Variants in WDR33 observed in about 807,000 individuals in gnomAD.
WDR33 encodes the protein WD repeat domain 33.
WDR33 carries 47 observed loss-of-function variants against 164.9 expected under a neutral mutation model. The observed-to-expected ratio is 0.29, with a 90% CI of 0.23 to 0.36. The LOEUF is 0.36. Ranked by LOEUF, WDR33 falls within the 10% of genes least tolerant of loss-of-function variation. The probability of loss-of-function intolerance (pLI) is 1.00; values close to 1 mark genes in which losing one functional copy is unlikely to be tolerated. For synonymous variants in WDR33, 505 were observed against 589.0 expected (o/e 0.86, Z 2.06); for missense variants, 1,137 against 1,754.1 (o/e 0.65, Z 6.28).
rs371193309 is a variant in WDR33 at position 127,787,312 on chromosome 2, T to C, written c.-23-16308A>G. ...TTCTCAATCTTTTCCCCACCTTTCC[T>C]GCCTTTCTATTCCACAAAGCCGCCA... On this transcript the variant is annotated intron_variant, in intron 1 of 21. Coordinates refer to ENST00000322313, the MANE Select transcript of WDR33 (RefSeq NM_018383.5). Among the ~76,000 whole-genome samples the C allele has an allele frequency of 8.4e-3, 927 of 110,802 alleles. 2 individuals carry two copies. The highest frequency in any genetic ancestry group is 0.014 in the South Asian group (38 of 2,814). The allele number at this position is 110,802 out of a possible 152,430, so 72.7% of individuals were successfully genotyped here.
Position 127,706,574 on chromosome 2 carries a change from A to C in WDR33, c.3782-22T>G. On this transcript the variant is annotated intron_variant, in intron 21 of 21. Transcript: ENST00000322313. The surrounding 1 kb of genome is among the most constrained non-coding windows in gnomAD (Gnocchi z 5.1). ...CGGCCTGAAACAAAGAAAATTTCAC[A>C]TGGGACTTTTTGTATTAGCAACTGT... 6.3e-7 allele frequency: 1 copy of C among 1,582,244 alleles called. No homozygotes were observed. Among genetic ancestry groups the C allele is most frequent in the Non-Finnish European group, 8.6e-7 (1 of 1,167,282 alleles).
chr2:127,779,194 GT>G (rs1183206395), intron 1 of WDR33, among the ~76,000 whole-genome samples: 1 of 151,650 alleles, frequency 6.6e-6, no homozygotes, highest in African/African-American at 2.4e-5. Flanking sequence ...TAGGGCCAGG[GT>G]GGTGGCTCAT....
chr2:127,783,599 CTT>C (rs35345585), intron 1 of WDR33, among the ~76,000 whole-genome samples: 2 of 84,414 alleles, frequency 2.4e-5, no homozygotes, highest in Middle Eastern at 9.1e-3. Context: ...TTCAGGACTC[CTT>C]TTTTTTTTTT....
intron 1 of WDR33, among the ~76,000 whole-genome samples, chr2:127,771,681 G>T (rs1688007661): frequency 1.3e-5 from 2 of 151,674 alleles, no homozygotes; most frequent in South Asian, 4.2e-4. Context: ...GGGAGGCTGA[G>T]ACAGGAGAAT....
Position 127,701,840 on chromosome 2 carries a change from C to T in WDR33, c.*4483G>A. On this transcript the variant is annotated 3_prime_UTR_variant, in exon 22 of 22. Coordinates refer to ENST00000322313, the MANE Select transcript of WDR33 (RefSeq NM_018383.5). ...TCTACGCACCGGTGTTGCTGCTGCG[C>T]GCGCGCAAGTTCGCGCTGCTCTGGT... 6.9e-7 allele frequency: 1 copy of T among 1,459,010 alleles called. No individual in the cohort carries two copies. The highest frequency in any genetic ancestry group is 9.0e-7 in the Non-Finnish European group (1 of 1,110,020). 90.4% of individuals were successfully genotyped at this position (1,459,010 alleles called of 1,614,324 possible). A position where few individuals can be genotyped will look rare whatever the true frequency, so the allele number is the denominator to read the frequency against.
intron 1 of WDR33, among the ~76,000 whole-genome samples, chr2:127,802,129 C>G (rs947478594): frequency 7.9e-5 from 12 of 151,392 alleles, no homozygotes; most frequent in Admixed American, 7.9e-4. Flanking sequence ...GATCACGCCA[C>G]TGCACTCCAG....
intron 7 of WDR33, chr2:127,737,088 A>G (rs1686866455): frequency 1.0e-6 from 1 of 985,460 alleles, no homozygotes; most frequent in Non-Finnish European, 1.2e-6. Context: ...TTTTGTGCTA[A>G]CCAGCAAATT....
In WDR33 at chr2:127,741,577, G is replaced by A. The variant is rs77228741; in HGVS notation, c.725-14800C>T. On this transcript the variant is annotated intron_variant, in intron 7 of 21. Coordinates refer to ENST00000322313, the MANE Select transcript of WDR33 (RefSeq NM_018383.5). This position sits in a 1 kb window ranked among gnomAD's most constrained non-coding sequence, Gnocchi z 4.1. ...CAGGAGAGGACCCTTGTAGGTAAGC[G>A]AACTTAACTGCAAAAAAATGCAAGA... 0.013 allele frequency among the ~76,000 whole-genome samples: 1,919 copies of A among 152,232 alleles called. 50 individuals are homozygous for A. The highest frequency in any genetic ancestry group is 0.045 in the African/African-American group (1,854 of 41,504).
chr2:127,747,438 GAAAA>G (rs75753938), intron 7 of WDR33, among the ~76,000 whole-genome samples: 1 of 125,022 alleles, frequency 8.0e-6, no homozygotes. Flanking sequence ...CTGCTCTACC[GAAAA>G]AAAAAAAAAA....
intron 1 of WDR33, among the ~76,000 whole-genome samples, chr2:127,772,626 G>A (rs1005824369): frequency 6.6e-6 from 1 of 151,956 alleles, no homozygotes; most frequent in Non-Finnish European, 1.5e-5. Flanking sequence ...AAAAAAGTAC[G>A]TATGCCCAAA....
At chr2:127,750,162 C>A (rs1446886443) in intron 7 of WDR33, among the ~76,000 whole-genome samples, 1 of 151,950 alleles carries the variant, frequency 6.6e-6, no homozygotes, top group African/African-American at 2.4e-5. Flanking sequence ...GTATCAGGGA[C>A]CACAGGCACA....
intron 1 of WDR33, among the ~76,000 whole-genome samples, chr2:127,781,828 G>A (rs763467771): frequency 6.6e-5 from 10 of 151,506 alleles, no homozygotes; most frequent in Non-Finnish European, 1.0e-4. Flanking sequence ...GAGAAACCCC[G>A]TCTCTACTAA....
intron 1 of WDR33, among the ~76,000 whole-genome samples, chr2:127,796,991 T>C (rs1689063663): frequency 6.6e-6 from 1 of 152,040 alleles, no homozygotes; most frequent in Non-Finnish European, 1.5e-5. Context: ...AATTGACCTG[T>C]AGCCCCAAAA....
At position 127,713,993 on chromosome 2, in the gene WDR33, G is replaced by A; in HGVS notation, c.2898C>T (p.His966=). The A allele has an allele frequency of 6.5e-7, 1 of 1,534,740 alleles. No homozygotes were observed. The highest frequency in any genetic ancestry group is 8.7e-7 in the Non-Finnish European group (1 of 1,145,442). ...KGDSRGPPNH[H]MGPMSERRHE... Reference sequence around the variant, plus strand: ...GCCGCCTCTCTGACATCGGGCCCATGTGATGGTTTGGAGGGCCGCGGGAGT... The same window carrying A: ...GCCGCCTCTCTGACATCGGGCCCATATGATGGTTTGGAGGGCCGCGGGAGT... Residue 966 remains histidine (H), a synonymous_variant, in exon 18 of 22, where the codon CAC becomes CAT. Transcript: ENST00000322313. The surrounding 1 kb of genome is among the most constrained non-coding windows in gnomAD (Gnocchi z 6.2).
At position 127,796,074 on chromosome 2, in the gene WDR33, ATTTTTTT is replaced by A. The variant is rs11325131; in HGVS notation, c.-24+14931_-24+14937del. On this transcript the variant is annotated intron_variant, in intron 1 of 21. Transcript: ENST00000322313. ...TATTAATATTAGGTGATTACTGTTAATTTTTTTTTTTTTTTTTGAGACAGTCTTGCTC... is the reference window on the plus strand; with the variant it reads ...TATTAATATTAGGTGATTACTGTTAATTTTTTTTTTGAGACAGTCTTGCTC... 3.6e-5 allele frequency among the ~76,000 whole-genome samples: 5 copies of A among 139,432 alleles called. No individual in the cohort carries two copies. The South Asian group carries it at 1.2e-3, about 32-fold the overall frequency. 91.5% of individuals were successfully genotyped at this position (139,432 alleles called of 152,430 possible).
intron 4 of WDR33, 99 bp downstream of exon 4, chr2:127,768,090 T>C (rs886213309): frequency 5.7e-6 from 4 of 705,836 alleles, no homozygotes; most frequent in African/African-American, 3.7e-5. Flanking sequence ...AGCCCAGATA[T>C]ACTTTTAAAA....
chr2:127,767,558 A>G (rs1004439849), intron 4 of WDR33, among the ~76,000 whole-genome samples: 3 of 151,526 alleles, frequency 2.0e-5, no homozygotes, highest in Non-Finnish European at 2.9e-5. Flanking sequence ...CTAAAAATAC[A>G]AAAAAAAGTA....
intron 1 of WDR33, among the ~76,000 whole-genome samples, chr2:127,794,698 G>C (rs1688962890): frequency 6.6e-6 from 1 of 151,368 alleles, no homozygotes. Flanking sequence ...GCCAGGTGTA[G>C]TGGCGGGCAA....
intron 1 of WDR33, among the ~76,000 whole-genome samples, chr2:127,777,064 CAA>C (rs988941850): frequency 1.3e-5 from 2 of 152,132 alleles, no homozygotes; most frequent in African/African-American, 4.8e-5. Flanking sequence ...AAGGAGGGTG[CAA>C]GAGAGAGGAA....
Sources: gnomAD v4.1 joint callset for allele counts (sites outside exome capture counted in the v4.1 genomes callset) on GRCh38, gnomAD v4.1.1 for gene constraint, Gnocchi (gnomAD v3.1) non-coding constraint, MANE v1.5 for transcripts, NCBI Gene and HGNC (gene_info 2026-07-23, HGNC 2026-07-21) for gene names.